Variants in PCLO observed in about 807,000 individuals in gnomAD.
The protein encoded by PCLO is piccolo presynaptic cytomatrix protein.
A neutral mutation model predicts 427.5 loss-of-function variants in PCLO; 82 were observed. That is an observed-to-expected ratio of 0.19 (90% CI 0.16 to 0.23). The LOEUF is 0.23. Among genes scored for constraint, PCLO ranks in the 10% least tolerant of loss-of-function variants. The pLI is 1.00. For missense variants in PCLO, 6,239 were observed against 6,115.9 expected (o/e 1.02, Z -0.67); for synonymous variants, 2,357 against 2,155.4 (o/e 1.09, Z -2.59).
At chr7:82,794,468 T>TTTTTTTTTTTTTTTTTTTTTTTTTTTC (rs1791181484) in intron 22 of PCLO, among the ~76,000 whole-genome samples, 1 of 91,354 alleles carries the variant, frequency 1.1e-5, no homozygotes, top group Non-Finnish European at 2.2e-5. Flanking sequence ...TCTTTTTTTT[T>TTTTTTTTTTTTTTTTTTTTTTTTTTTC]TTTTTTTTTT....
At chr7:83,073,576 A>C (rs1171916808) in intron 3 of PCLO, among the ~76,000 whole-genome samples, 2 of 151,984 alleles carry the variant, frequency 1.3e-5, no homozygotes, top group African/African-American at 2.4e-5. Flanking sequence ...GAACATTTGT[A>C]ATGCAAACAA....
rs113515001 is a variant in PCLO, at chr7:82,858,183, G to A, written c.13655-10936C>T. ...TTTCAACATATGGAAGTCAATACAC[G>A]TGCTACACATTAAAAAAATGAAGAA... On this transcript the variant is annotated intron_variant, in intron 10 of 24. Coordinates refer to ENST00000333891, the MANE Select transcript of PCLO (RefSeq NM_033026.6). 3.8e-3 allele frequency among the ~76,000 whole-genome samples: 580 copies of A among 152,038 alleles called. 4 individuals are homozygous for A. Among genetic ancestry groups the A allele is most frequent in the Middle Eastern group, 6.8e-3 (2 of 294 alleles).
intron 3 of PCLO, among the ~76,000 whole-genome samples, chr7:83,056,530 T>A (rs935748327): frequency 6.6e-6 from 1 of 152,208 alleles, no homozygotes; most frequent in East Asian, 1.9e-4. Context: ...TATTCAGTCA[T>A]GAGTGGTCAG....
At chr7:83,032,207 C>CT (rs1408417404) in intron 3 of PCLO, among the ~76,000 whole-genome samples, 1 of 152,166 alleles carries the variant, frequency 6.6e-6, no homozygotes, top group Non-Finnish European at 1.5e-5. Flanking sequence ...CTCTACAAAT[C>CT]TTATTAGCCT....
At chr7:82,851,141 C>T (rs1405781327) in intron 10 of PCLO, among the ~76,000 whole-genome samples, 4 of 151,860 alleles carry the variant, frequency 2.6e-5, no homozygotes, top group Non-Finnish European at 5.9e-5. Context: ...TGCAACTGTT[C>T]TGGAAGGCAA....
rs1790167628 is a variant in PCLO, at chr7:83,083,947, T to C, written c.3300+50303A>G. 2.0e-5 allele frequency among the ~76,000 whole-genome samples: 3 copies of C among 152,240 alleles called. No individual in the cohort carries two copies. The South Asian group carries it at 6.2e-4, about 32-fold the overall frequency. On this transcript the variant is annotated intron_variant, in intron 3 of 24. Transcript: ENST00000333891. ...TTTTAAAACTTTTTCTGAGAACAAGTTGTGAAGAGACTGGGTTGACAAGAG... is the reference window on the plus strand; with the variant it reads ...TTTTAAAACTTTTTCTGAGAACAAGCTGTGAAGAGACTGGGTTGACAAGAG...
intron 10 of PCLO, among the ~76,000 whole-genome samples, chr7:82,852,609 C>T (rs562403561): frequency 5.9e-5 from 9 of 152,152 alleles, no homozygotes; most frequent in African/African-American, 1.7e-4. Flanking sequence ...TTTTGGGATT[C>T]GGGCTGATCC....
chr7:83,019,646 C>T lies in PCLO; in HGVS notation c.3301-53159G>A, dbSNP rs559720972. Among the ~76,000 whole-genome samples, 3 of 152,040 alleles carry T rather than the reference C, an allele frequency of 2.0e-5. No individual in the cohort carries two copies. The South Asian group carries it at 6.2e-4, about 32-fold the overall frequency. On this transcript the variant is annotated intron_variant, in intron 3 of 24. Transcript: ENST00000333891. ...AATCTTGATAAATTATATGAAGATA[C>T]AAAGCTACTATTTAGGAGAACCAAT... is the stretch of plus-strand genomic sequence containing the variant.
At chr7:83,016,836 CTT>C (rs1788220874) in intron 3 of PCLO, among the ~76,000 whole-genome samples, 1 of 152,080 alleles carries the variant, frequency 6.6e-6, no homozygotes, top group Non-Finnish European at 1.5e-5. Context: ...TTGACAAAAA[CTT>C]TACATATCAA....
chr7:82,806,834 T>A (rs1197674205), intron 20 of PCLO, among the ~76,000 whole-genome samples: 4 of 152,218 alleles, frequency 2.6e-5, no homozygotes, highest in Non-Finnish European at 4.4e-5. Context: ...AGTAACTTAC[T>A]CTTCTTCCTC....
chr7:82,940,019 A>G (rs1207160047), intron 6 of PCLO, among the ~76,000 whole-genome samples: 1 of 152,126 alleles, frequency 6.6e-6, no homozygotes, highest in East Asian at 1.9e-4. Flanking sequence ...ATTAAAATGA[A>G]AACGTTTTTA....
intron 3 of PCLO, among the ~76,000 whole-genome samples, chr7:83,124,154 CA>C (rs897325438): frequency 1.9e-3 from 261 of 136,476 alleles, no homozygotes; most frequent in Admixed American, 2.0e-3. Flanking sequence ...ACAAAAAATA[CA>C]AAAAAAAAAA....
chr7:82,885,410 T>G (rs1010856977), intron 9 of PCLO, among the ~76,000 whole-genome samples: 8 of 152,122 alleles, frequency 5.3e-5, no homozygotes, highest in Non-Finnish European at 1.2e-4. Context: ...ACAACTAACA[T>G]AGATTATAGT....
chr7:83,111,164 A>C (rs1790993500), intron 3 of PCLO, among the ~76,000 whole-genome samples: 1 of 152,224 alleles, frequency 6.6e-6, no homozygotes, highest in Non-Finnish European at 1.5e-5. Context: ...AAATCAATAG[A>C]CATTCTCTCC....
chr7:83,052,260 T>C (rs368751666), intron 3 of PCLO, among the ~76,000 whole-genome samples: 10 of 149,710 alleles, frequency 6.7e-5, no homozygotes, highest in East Asian at 2.0e-4. Context: ...GAGAGTGAGA[T>C]AGGAGATAAG....
chr7:82,966,085 G>C lies in PCLO; in HGVS notation c.3703C>G (p.Leu1235Val), dbSNP rs1795763968. ...GGGGTTGGCTTTTTTTCTTCTAGGA[G>C]TGGCTTTTTTTCTTCAGAACGTATC... is the stretch of plus-strand genomic sequence containing the variant. ...EKIRSEEKKP[L>V]LEEKKPTPED... Residue 1235 changes from leucine (L) to valine (V), a missense_variant, in exon 4 of 25, where the codon CTC becomes GTC. By Grantham distance (32) the Leu-to-Val change is conservative. This residue lies in a region of PCLO where 4,677 missense variants were observed against 4,468.4 expected (regional missense o/e 1.05). Coordinates refer to ENST00000333891, the MANE Select transcript of PCLO (RefSeq NM_033026.6). 6.2e-7 allele frequency: 1 copy of C among 1,611,976 alleles called. No homozygotes were observed. Among genetic ancestry groups the C allele is most frequent in the Non-Finnish European group, 8.5e-7 (1 of 1,179,472 alleles).
chr7:82,894,547 C>G (rs1013145561), intron 9 of PCLO: 1 of 152,252 alleles, frequency 6.6e-6, no homozygotes, highest in East Asian at 1.9e-4. Context: ...ATCATGAGAA[C>G]AGCACGAGAA....
chr7:83,128,432 T>C (rs1372543744), intron 3 of PCLO, among the ~76,000 whole-genome samples: 1 of 152,186 alleles, frequency 6.6e-6, no homozygotes, highest in Non-Finnish European at 1.5e-5. Flanking sequence ...TAATTTGAGT[T>C]AGCACAGCGT....
At chr7:82,872,636 A>C (rs1347753149) in intron 10 of PCLO, among the ~76,000 whole-genome samples, 1 of 152,162 alleles carries the variant, frequency 6.6e-6, no homozygotes, top group Non-Finnish European at 1.5e-5. Flanking sequence ...GTATTGTAGA[A>C]TAAACTCCTA....
Sources: allele counts gnomAD v4.1 joint callset (sites outside exome capture counted in the v4.1 genomes callset), GRCh38; gene constraint gnomAD v4.1.1; regional missense constraint gnomAD v4.1.1; transcripts MANE v1.5; gene names NCBI Gene and HGNC (gene_info 2026-07-23, HGNC 2026-07-21).